SLC44A5: variants seen among roughly 807,000 people sequenced by gnomAD.
SLC44A5 encodes choline transporter-like protein 5.
SLC44A5 carries 57 observed loss-of-function variants against 101.8 expected under a neutral mutation model. That is an observed-to-expected ratio of 0.56 (90% confidence interval 0.45 to 0.70). The LOEUF (loss-of-function observed/expected upper bound fraction) is 0.70. Ranked by LOEUF, SLC44A5 falls within the 30% of genes least tolerant of loss-of-function variation. The pLI, the probability that SLC44A5 is intolerant of heterozygous loss-of-function variation, is 0.00. For synonymous variants in SLC44A5, 281 were observed against 290.9 expected, an observed-to-expected ratio of 0.97 and a Z score of 0.35; for missense variants, 737 against 853.1, an observed-to-expected ratio of 0.86 and a Z score of 1.70.
the SLC44A5 span, among the ~76,000 whole-genome samples, chr1:75,696,164 C>T: frequency 1.5e-4 from 23 of 152,156 alleles, no homozygotes; most frequent in South Asian, 6.2e-4. Flanking sequence ...ATTCTCACTC[C>T]GGGACTTAGG....
chr1:75,356,209 C>CAA (rs35660365), intron 3 of SLC44A5, among the ~76,000 whole-genome samples: 6,787 of 75,414 alleles, frequency 0.09, 376 homozygotes, highest in Admixed American at 0.17. Context: ...AAGACTGCCT[C>CAA]AAAAAAAAAA....
intron 3 of SLC44A5, among the ~76,000 whole-genome samples, chr1:75,383,589 C>T (rs536832024): frequency 2.2e-4 from 34 of 152,182 alleles, no homozygotes; most frequent in African/African-American, 7.2e-4. Flanking sequence ...ATTGGTGTAC[C>T]TGAAAGTGAC....
At chr1:75,503,262 C>A (rs1165667453) in intron 2 of SLC44A5, among the ~76,000 whole-genome samples, 1 of 152,068 alleles carries the variant, frequency 6.6e-6, no homozygotes, top group African/African-American at 2.4e-5. Flanking sequence ...GTACTTGAAT[C>A]ACATTCTCTT....
the SLC44A5 span, among the ~76,000 whole-genome samples, chr1:75,631,658 T>C: frequency 1.4e-5 from 2 of 144,520 alleles, no homozygotes; most frequent in Non-Finnish European, 3.0e-5. Context: ...TGCCTCAGCC[T>C]CCCGAGTAGC....
intron 2 of SLC44A5, among the ~76,000 whole-genome samples, chr1:75,430,133 G>C (rs1246624051): frequency 6.6e-6 from 1 of 152,144 alleles, no homozygotes; most frequent in Non-Finnish European, 1.5e-5. Flanking sequence ...TGGGAGATGG[G>C]ACCTTCTGGG....
At chr1:75,279,016 A>G (rs1371054946) in intron 5 of SLC44A5, among the ~76,000 whole-genome samples, 1 of 152,092 alleles carries the variant, frequency 6.6e-6, no homozygotes, top group African/African-American at 2.4e-5. Context: ...GATAATTGGA[A>G]TATCTATCAC....
At chr1:75,703,552 C>G in the SLC44A5 span, among the ~76,000 whole-genome samples, 2 of 151,762 alleles carry the variant, frequency 1.3e-5, no homozygotes, top group Admixed American at 1.3e-4. Flanking sequence ...AGGAGATATA[C>G]CTAATGTTAA....
the SLC44A5 span, among the ~76,000 whole-genome samples, chr1:75,703,712 G>T: frequency 2.0e-5 from 3 of 151,940 alleles, no homozygotes; most frequent in African/African-American, 7.3e-5. Context: ...TGTGTCAGAA[G>T]GCATACAGCA....
intron 2 of SLC44A5, among the ~76,000 whole-genome samples, chr1:75,421,350 A>G (rs1663992565): frequency 6.6e-6 from 1 of 152,170 alleles, no homozygotes; most frequent in African/African-American, 2.4e-5. Context: ...AAACTTGAGG[A>G]GGAATAAAAG....
At chr1:75,362,852 ATAAG>A (rs1300858951) in intron 3 of SLC44A5, among the ~76,000 whole-genome samples, 1 of 152,052 alleles carries the variant, frequency 6.6e-6, no homozygotes, top group African/African-American at 2.4e-5. Flanking sequence ...CCACGCGAGT[ATAAG>A]TACAAGTCCA....
intron 2 of SLC44A5, among the ~76,000 whole-genome samples, chr1:75,532,549 T>A (rs140283188): frequency 1.8e-3 from 273 of 152,330 alleles, no homozygotes; most frequent in African/African-American, 6.1e-3. Flanking sequence ...CATTTCCTTG[T>A]CCCCTTCCCT....
At chr1:75,403,603 G>A (rs1662648390) in intron 2 of SLC44A5, among the ~76,000 whole-genome samples, 1 of 152,176 alleles carries the variant, frequency 6.6e-6, no homozygotes, top group African/African-American at 2.4e-5. Flanking sequence ...TGCAGCAGAG[G>A]AGCTTCACTG....
At chr1:75,324,558 T>A (rs1283771672) in intron 4 of SLC44A5, among the ~76,000 whole-genome samples, 3 of 152,192 alleles carry the variant, frequency 2.0e-5, no homozygotes, top group Non-Finnish European at 2.9e-5. Context: ...ACATGAAGCA[T>A]TTTTGTGAGT....
intron 1 of SLC44A5, among the ~76,000 whole-genome samples, chr1:75,556,254 A>G (rs1316668160): frequency 1.3e-5 from 2 of 152,150 alleles, no homozygotes; most frequent in African/African-American, 2.4e-5. Context: ...TGGGTAATAC[A>G]TACGTCAAAA....
chr1:75,656,540 T>C, the SLC44A5 span, among the ~76,000 whole-genome samples: 1 of 152,194 alleles, frequency 6.6e-6, no homozygotes, highest in African/African-American at 2.4e-5. Context: ...TACAGAGTGT[T>C]ATAATTTTTT....
the SLC44A5 span, among the ~76,000 whole-genome samples, chr1:75,661,873 G>A: frequency 6.6e-6 from 1 of 152,036 alleles, no homozygotes; most frequent in African/African-American, 2.4e-5. Context: ...TACAGAGGAA[G>A]GGGAATGCTC....
rs191645254 is a variant in SLC44A5, at chr1:75,456,678, T to G, written c.14-60057A>C. The stretch of plus-strand genomic sequence containing the variant: ...TGTGAGAGAATGAGGGCTTTTTGTT[T>G]GTTTTATTGTTTTTAAGAATTTCTA... On this transcript the variant is annotated intron_variant, in intron 2 of 23. Transcript: ENST00000370859. Among the ~76,000 whole-genome samples the G allele has an allele frequency of 3.6e-3, 546 of 152,322 alleles. 2 individuals are homozygous for G. Among genetic ancestry groups the G allele is most frequent in the African/African-American group, 0.013 (530 of 41,574 alleles).
chr1:75,657,377 C>T, the SLC44A5 span, among the ~76,000 whole-genome samples: 172 of 151,744 alleles, frequency 1.1e-3, no homozygotes, highest in African/African-American at 4.0e-3. Context: ...GGTGAAACTG[C>T]GTCACTACAA....
intron 3 of SLC44A5, among the ~76,000 whole-genome samples, chr1:75,348,345 A>G (rs1452218719): frequency 6.6e-6 from 1 of 152,226 alleles, no homozygotes; most frequent in East Asian, 1.9e-4. Flanking sequence ...ATATTTATCA[A>G]CTTAGCAAAT....
Sources: gnomAD v4.1 joint callset for allele counts (sites outside exome capture counted in the v4.1 genomes callset) on GRCh38, gnomAD v4.1.1 for gene constraint, MANE v1.5 for transcripts, NCBI Gene and HGNC (gene_info 2026-07-23, HGNC 2026-07-21) for gene names.